PIAS1: variants seen among roughly 807,000 people sequenced by gnomAD.
The protein encoded by PIAS1 is protein inhibitor of activated STAT 1, also known as E3 SUMO-protein ligase PIAS1.
In PIAS1, 6 loss-of-function variants were observed where a neutral mutation model predicts 71.3. The ratio of observed to expected loss-of-function variants is 0.08; its 90% CI spans 0.05 to 0.17. The LOEUF (loss-of-function observed/expected upper bound fraction) is 0.17, where lower values mean the gene tolerates loss of function less well. PIAS1 is among the 10% of genes least tolerant of loss of function. The probability of loss-of-function intolerance (pLI) is 1.00; values close to 1 mark genes in which losing one functional copy is unlikely to be tolerated. For synonymous variants in PIAS1, 303 were observed against 292.9 expected (o/e 1.03, Z -0.35); for missense variants, 555 against 793.6 (o/e 0.70, Z 3.61).
chr15:68,141,688 T>C (rs972654089), intron 2 of PIAS1, among the ~76,000 whole-genome samples: 30 of 152,178 alleles, frequency 2.0e-4, no homozygotes, highest in Non-Finnish European at 1.2e-4. Context: ...AGATAAATTT[T>C]CCTTAGTCTT....
intron 1 of PIAS1, among the ~76,000 whole-genome samples, chr15:68,085,751 A>G (rs946596020): frequency 6.6e-6 from 1 of 152,196 alleles, no homozygotes; most frequent in Non-Finnish European, 1.5e-5. Flanking sequence ...AGAATATCTG[A>G]TATATAATTG....
intron 1 of PIAS1, among the ~76,000 whole-genome samples, chr15:68,084,130 A>G (rs2092256769): frequency 6.6e-6 from 1 of 152,178 alleles, no homozygotes; most frequent in South Asian, 2.1e-4. Context: ...CTTTGTACCT[A>G]TGGAATAAAG....
intron 2 of PIAS1, among the ~76,000 whole-genome samples, chr15:68,119,833 T>C (rs917365921): frequency 6.6e-6 from 1 of 152,260 alleles, no homozygotes; most frequent in African/African-American, 2.4e-5. Context: ...TTTTGCTTCA[T>C]GTATTTGGAA....
intron 2 of PIAS1, among the ~76,000 whole-genome samples, chr15:68,102,498 A>G (rs921098037): frequency 3.9e-5 from 6 of 152,196 alleles, no homozygotes; most frequent in African/African-American, 1.2e-4. Context: ...TGGGATTTTG[A>G]TAGGAATTGC....
chr15:68,085,093 T>A (rs1320291419), intron 1 of PIAS1, among the ~76,000 whole-genome samples: 1 of 152,178 alleles, frequency 6.6e-6, no homozygotes, highest in African/African-American at 2.4e-5. Context: ...GAGAATTGGC[T>A]GGGGTTATCA....
At chr15:68,057,778 CATT>C (rs1479741911) in intron 1 of PIAS1, among the ~76,000 whole-genome samples, 22 of 152,098 alleles carry the variant, frequency 1.4e-4, no homozygotes, top group African/African-American at 4.6e-4. Context: ...TGTTTTATGT[CATT>C]ATTTTTATCA....
intron 2 of PIAS1, among the ~76,000 whole-genome samples, chr15:68,103,409 T>G (rs2092445071): frequency 1.3e-5 from 2 of 152,158 alleles, no homozygotes; most frequent in Admixed American, 6.5e-5. Flanking sequence ...TTTTGTGGTG[T>G]TTATTTTTGG....
At chr15:68,180,487 T>C (rs2093047384) in intron 11 of PIAS1, among the ~76,000 whole-genome samples, 1 of 152,080 alleles carries the variant, frequency 6.6e-6, no homozygotes, top group Admixed American at 6.5e-5. Flanking sequence ...GCTACTTAGC[T>C]ATTTAAACTT....
At chr15:68,162,021 A>T (rs1047706623) in intron 7 of PIAS1, among the ~76,000 whole-genome samples, 5 of 152,044 alleles carry the variant, frequency 3.3e-5, no homozygotes, top group African/African-American at 1.2e-4. Context: ...GCTCACTGCA[A>T]CCTCTGCCTC....
At chr15:68,168,539 T>A (rs1053246811) in intron 8 of PIAS1, among the ~76,000 whole-genome samples, 14 of 152,160 alleles carry the variant, frequency 9.2e-5, no homozygotes, top group Non-Finnish European at 2.9e-5. Context: ...AATGCAAACA[T>A]AATTTGTGTC....
At chr15:68,150,365 T>G (rs2092836488) in intron 6 of PIAS1, among the ~76,000 whole-genome samples, 1 of 152,158 alleles carries the variant, frequency 6.6e-6, no homozygotes, top group South Asian at 2.1e-4. Flanking sequence ...CTACAAAGAT[T>G]TGAAGACATT....
chr15:68,172,870 A>C (rs1403707849), intron 8 of PIAS1, among the ~76,000 whole-genome samples: 1 of 152,218 alleles, frequency 6.6e-6, no homozygotes, highest in Non-Finnish European at 1.5e-5. Context: ...TTTGCAGGGC[A>C]AGAAGTCTCC....
At chr15:68,061,749 TTGAA>T (rs141194809) in intron 1 of PIAS1, among the ~76,000 whole-genome samples, 50 of 152,358 alleles carry the variant, frequency 3.3e-4, no homozygotes, top group Non-Finnish European at 6.3e-4. Flanking sequence ...TATAAAAACT[TTGAA>T]TGGCTTTCTA....
intron 2 of PIAS1, among the ~76,000 whole-genome samples, chr15:68,112,666 C>T (rs1038860986): frequency 6.6e-6 from 1 of 152,074 alleles, no homozygotes; most frequent in Admixed American, 6.6e-5. Context: ...CAAAGAAATG[C>T]AAATTTAAGA....
At chr15:68,145,743 TTATC>T (rs2092803551) in intron 4 of PIAS1, 69 bp from the exon 5 acceptor site, 1 of 852,754 alleles carries the variant, frequency 1.2e-6, no homozygotes, top group Non-Finnish European at 1.9e-6. Flanking sequence ...TCTTTTAAAT[TTATC>T]TATTTAACAA....
At chr15:68,099,721 G>A (rs1366045159) in intron 2 of PIAS1, among the ~76,000 whole-genome samples, 1 of 151,622 alleles carries the variant, frequency 6.6e-6, no homozygotes, top group Non-Finnish European at 1.5e-5. Context: ...CTGAGTGGCT[G>A]TACCACTTTC....
At chr15:68,112,345 A>C (rs1595734069) in intron 2 of PIAS1, among the ~76,000 whole-genome samples, 3 of 152,110 alleles carry the variant, frequency 2.0e-5, no homozygotes, top group Admixed American at 2.0e-4. Flanking sequence ...CTCCAGCTAC[A>C]TCCCTATTTT....
At chr15:68,126,023 C>A (rs906375826) in intron 2 of PIAS1, among the ~76,000 whole-genome samples, 1 of 152,072 alleles carries the variant, frequency 6.6e-6, no homozygotes, top group Non-Finnish European at 1.5e-5. Context: ...TTTTCTGTAA[C>A]CTGTTCTTGC....
At chr15:68,144,084 C>T (rs1384913759) in intron 4 of PIAS1, among the ~76,000 whole-genome samples, 6 of 146,688 alleles carry the variant, frequency 4.1e-5, no homozygotes, top group Non-Finnish European at 7.4e-5. Flanking sequence ...ATCTTGATGA[C>T]TGCTATTTTA....
Sources: gnomAD v4.1 joint callset for allele counts (sites outside exome capture counted in the v4.1 genomes callset) on GRCh38, gnomAD v4.1.1 for gene constraint, MANE v1.5 for transcripts, NCBI Gene and HGNC (gene_info 2026-07-23, HGNC 2026-07-21) for gene names.